EXOC4: variants seen among roughly 807,000 people sequenced by gnomAD.
The protein encoded by EXOC4 is SEC8-like 1.
A neutral mutation model predicts 107.2 loss-of-function variants in EXOC4; 71 were observed. The ratio of observed to expected loss-of-function variants is 0.66; its 90% confidence interval spans 0.55 to 0.81. The LOEUF is 0.81. EXOC4 is among the 30% of genes least tolerant of loss of function. The pLI is 0.00. For synonymous variants in EXOC4, 456 were observed against 441.2 expected (o/e 1.03, Z -0.42); for missense variants, 1,108 against 1,189.6 (o/e 0.93, Z 1.01).
chr7:133,486,976 G>A (rs191112807), intron 9 of EXOC4, among the ~76,000 whole-genome samples: 46 of 152,228 alleles, frequency 3.0e-4, no homozygotes, highest in African/African-American at 1.0e-3. Context: ...GTTATCAAGT[G>A]TACTACTTTT....
intron 10 of EXOC4, among the ~76,000 whole-genome samples, chr7:133,678,610 T>A (rs1270620614): frequency 1.3e-5 from 2 of 152,048 alleles, no homozygotes; most frequent in Admixed American, 6.6e-5. Flanking sequence ...ACCCTCTTTT[T>A]TTTTTTTTCT....
At chr7:133,991,744 C>G (rs921183052) in intron 14 of EXOC4, among the ~76,000 whole-genome samples, 3 of 152,106 alleles carry the variant, frequency 2.0e-5, no homozygotes, top group Non-Finnish European at 4.4e-5. Context: ...GTGCCTTTGT[C>G]AAAATGAATT....
chr7:133,497,401 T>G (rs1799498001), intron 9 of EXOC4, among the ~76,000 whole-genome samples: 1 of 152,028 alleles, frequency 6.6e-6, no homozygotes, highest in Non-Finnish European at 1.5e-5. Context: ...TTTCCCTACC[T>G]TAAATTTATT....
At chr7:133,327,151 C>T (rs1584815360) in intron 5 of EXOC4, among the ~76,000 whole-genome samples, 1 of 152,390 alleles carries the variant, frequency 6.6e-6, no homozygotes, top group Middle Eastern at 3.4e-3. Context: ...ACCCCTTGTG[C>T]TTCCCGAGTG....
intron 10 of EXOC4, among the ~76,000 whole-genome samples, chr7:133,782,923 C>T (rs1236180819): frequency 1.3e-5 from 2 of 152,158 alleles, no homozygotes; most frequent in Non-Finnish European, 2.9e-5. Context: ...CATTGGAAAG[C>T]AGGGTGTCAG....
chr7:134,079,689 C>T, the EXOC4 span, among the ~76,000 whole-genome samples: 1 of 152,188 alleles, frequency 6.6e-6, no homozygotes, highest in East Asian at 1.9e-4. Flanking sequence ...ATGCCCTGCC[C>T]TTCAGATGCA....
At chr7:133,426,016 C>T (rs1259196786) in intron 7 of EXOC4, among the ~76,000 whole-genome samples, 3 of 152,170 alleles carry the variant, frequency 2.0e-5, no homozygotes, top group East Asian at 1.9e-4. Flanking sequence ...ACCTTGGGCA[C>T]GTGTTCTCAG....
chr7:133,823,996 G>A (rs1350830438), intron 11 of EXOC4, among the ~76,000 whole-genome samples: 1 of 138,692 alleles, frequency 7.2e-6, no homozygotes, highest in African/African-American at 2.7e-5. Context: ...CTGCTGTGTT[G>A]GATACTTTGA....
intron 7 of EXOC4, among the ~76,000 whole-genome samples, chr7:133,425,568 T>C (rs2150766544): frequency 6.6e-6 from 1 of 152,248 alleles, no homozygotes; most frequent in African/African-American, 2.4e-5. Context: ...ATTACAGGCG[T>C]GAGCCACCAC....
At chr7:133,944,009 A>G (rs1800492859) in intron 14 of EXOC4, among the ~76,000 whole-genome samples, 1 of 152,180 alleles carries the variant, frequency 6.6e-6, no homozygotes, top group Admixed American at 6.5e-5. Flanking sequence ...TAATATTTTT[A>G]GATTTAGTGT....
chr7:133,860,276 C>T (rs1423294590), intron 11 of EXOC4, among the ~76,000 whole-genome samples: 2 of 152,218 alleles, frequency 1.3e-5, no homozygotes, highest in Non-Finnish European at 2.9e-5. Context: ...TCTGGTCACA[C>T]AGACTGGCTA....
chr7:133,740,956 T>C (rs968718485), intron 10 of EXOC4, among the ~76,000 whole-genome samples: 1 of 152,140 alleles, frequency 6.6e-6, no homozygotes, highest in Non-Finnish European at 1.5e-5. Context: ...AGTGAGACCC[T>C]ATTTGCCACT....
intron 7 of EXOC4, among the ~76,000 whole-genome samples, chr7:133,397,353 C>T (rs1365522377): frequency 6.7e-5 from 10 of 150,210 alleles, no homozygotes; most frequent in Admixed American, 6.6e-5. Flanking sequence ...AGGGTGGTCT[C>T]GAAATCCCAA....
At chr7:133,328,545 T>G (rs1218741235) in intron 5 of EXOC4, among the ~76,000 whole-genome samples, 6 of 152,218 alleles carry the variant, frequency 3.9e-5, no homozygotes, top group Non-Finnish European at 2.9e-5. Context: ...TTGGTATGTT[T>G]TTGCAGTGGT....
intron 10 of EXOC4, among the ~76,000 whole-genome samples, chr7:133,742,979 G>T (rs1411147038): frequency 6.6e-6 from 1 of 152,186 alleles, no homozygotes; most frequent in Non-Finnish European, 1.5e-5. Flanking sequence ...AAAGATTCTT[G>T]CTGTGTAGGT....
intron 11 of EXOC4, among the ~76,000 whole-genome samples, chr7:133,894,384 G>A (rs1419149713): frequency 1.1e-4 from 16 of 141,610 alleles, no homozygotes; most frequent in Admixed American, 9.7e-4. Context: ...ATGTCCTCCC[G>A]TAGCTCAGAG....
chr7:133,709,886 G>A (rs570262826), intron 10 of EXOC4, among the ~76,000 whole-genome samples: 1 of 152,260 alleles, frequency 6.6e-6, no homozygotes, highest in Admixed American at 6.5e-5. Context: ...GGTAAATGCT[G>A]TAGGCATTAG....
At chr7:133,861,689 A>G (rs1798536959) in intron 11 of EXOC4, among the ~76,000 whole-genome samples, 1 of 152,090 alleles carries the variant, frequency 6.6e-6, no homozygotes, top group Non-Finnish European at 1.5e-5. Flanking sequence ...GCCCGCCACC[A>G]TGCCTGGCTA....
intron 9 of EXOC4, among the ~76,000 whole-genome samples, chr7:133,544,272 C>T (rs1000499390): frequency 7.2e-5 from 11 of 151,974 alleles, no homozygotes; most frequent in Non-Finnish European, 7.4e-5. Flanking sequence ...TTGATAATCA[C>T]AGCACGTTTA....
Sources: allele counts gnomAD v4.1 joint callset (sites outside exome capture counted in the v4.1 genomes callset), GRCh38; gene constraint gnomAD v4.1.1; transcripts MANE v1.5; gene names NCBI Gene and HGNC (gene_info 2026-07-23, HGNC 2026-07-21).